The following MYOF variants were observed in gnomAD, a reference collection of about 807,000 sequenced individuals.
MYOF encodes the protein fer-1-like 3, myoferlin.
A neutral mutation model predicts 284.2 loss-of-function variants in MYOF; 244 were observed. That is an observed-to-expected ratio of 0.86 (90% CI 0.77 to 0.95). The LOEUF is 0.95. Among genes scored for constraint, MYOF ranks in the 40% least tolerant of loss-of-function variants. The pLI is 0.00. For synonymous variants in MYOF, 904 were observed against 919.7 expected (o/e 0.98, Z 0.31); for missense variants, 2,496 against 2,560.6 (o/e 0.97, Z 0.54).
intron 1 of MYOF, among the ~76,000 whole-genome samples, chr10:93,463,394 A>AATTTTTTTTTTTTTTTTTTTTTTTTTTTT (rs34592074): frequency 1.3e-5 from 1 of 78,936 alleles, no homozygotes. Flanking sequence ...GTCTCTACAA[A>AATTTTTTTTTTTTTTTTTTTTTTTTTTTT]TTTTTTTTTT....
rs764771189 is a variant in MYOF at position 93,452,056 on chromosome 10, T to C, written c.230A>G (p.Gln77Arg). 6.2e-7 allele frequency: 1 copy of C among 1,608,426 alleles called. No homozygotes were observed. The highest frequency in any genetic ancestry group is 1.7e-5 in the Admixed American group (1 of 59,178). The change falls in exon 3 of 54, where the codon CAA (glutamine) becomes CGA (arginine). Residue 77 changes from glutamine to arginine, a missense_variant. By Grantham distance (43) the Gln-to-Arg change is conservative (BLOSUM62 1). Around this residue, in one of 3 missense-constraint regions of MYOF, gnomAD observed 2,436 missense variants for 2,480.7 expected, o/e 0.98. Transcript: ENST00000359263. ...ACAGGTGAAAACAACTTACTTATTT[T>C]GTCCAATTGTCTCAAAATCTTTCAC... ...IIVKDFETIGQNKLIGTATVA... is the reference protein window; with the variant it reads ...IIVKDFETIGRNKLIGTATVA...
At chr10:93,436,572 C>T (rs1468456074) in intron 3 of MYOF, among the ~76,000 whole-genome samples, 4 of 152,136 alleles carry the variant, frequency 2.6e-5, no homozygotes, top group Non-Finnish European at 5.9e-5. Flanking sequence ...AAGCTGACTT[C>T]AGGAAAAATT....
intron 1 of MYOF, among the ~76,000 whole-genome samples, chr10:93,481,686 G>C (rs966762278): frequency 6.6e-6 from 1 of 152,136 alleles, no homozygotes; most frequent in Non-Finnish European, 1.5e-5. Context: ...TCAAAGCAGC[G>C]TCAGGCTGGT....
chr10:93,314,566 G>A (rs1330555375), intron 50 of MYOF, among the ~76,000 whole-genome samples: 7 of 152,154 alleles, frequency 4.6e-5, no homozygotes, highest in Non-Finnish European at 1.0e-4. Context: ...GGAGGTTGTG[G>A]CATTTTCTCT....
In MYOF at chr10:93,319,886, T is replaced by C. The variant is rs1554836382; in HGVS notation, c.5584A>G (p.Ile1862Val). 2 of 1,614,090 alleles carry C rather than the reference T, an allele frequency of 1.2e-6. No homozygotes were observed. Among genetic ancestry groups the C allele is most frequent in the Non-Finnish European group, 8.5e-7 (1 of 1,180,016 alleles). ...FDYLPAEQLC[I>V]VAKKEHFWSI... is the part of the protein sequence containing the mutation. ...TCAGAGCTCACTTTTTTCGCAACGA[T>C]ACAGAGTTGTTCGGCTGGAAGGTAG... is the stretch of plus-strand genomic sequence containing the variant. Residue 1862 changes from isoleucine to valine, a missense_variant, in exon 49 of 54, where the codon ATC becomes GTC. Ile to Val is a conservative substitution (Grantham distance 29). Around this residue, in one of 3 missense-constraint regions of MYOF, gnomAD observed 2,436 missense variants for 2,480.7 expected, o/e 0.98. Transcript: ENST00000359263.
At position 93,314,815 on chromosome 10, in the gene MYOF, G is replaced by A. The variant is rs187215474; in HGVS notation, c.5699-1605C>T. ...GTAATCCCAGCAATATTGGGAGGCC[G>A]AGGTGGGCAGATTACTTGAGCTCAG... On this transcript the variant is annotated intron_variant, in intron 50 of 53. Transcript: ENST00000359263. Among the ~76,000 whole-genome samples the A allele has an allele frequency of 1.3e-4, 20 of 152,262 alleles. No individual in the cohort carries two copies. The South Asian group carries it at 1.9e-3, about 14-fold the overall frequency.
At chr10:93,379,530 C>G (rs1846013606) in intron 21 of MYOF, among the ~76,000 whole-genome samples, 2 of 152,130 alleles carry the variant, frequency 1.3e-5, no homozygotes, top group Non-Finnish European at 2.9e-5. Flanking sequence ...TCCTTCCCTT[C>G]AAGAGAAAGG....
intron 48 of MYOF, among the ~76,000 whole-genome samples, chr10:93,322,429 C>G (rs1842880644): frequency 6.6e-6 from 1 of 152,138 alleles, no homozygotes; most frequent in African/African-American, 2.4e-5. Context: ...CTTGCCCAGA[C>G]AGTAGGGAAA....
At chr10:93,465,513 C>CT (rs1461709300) in intron 1 of MYOF, among the ~76,000 whole-genome samples, 4 of 127,162 alleles carry the variant, frequency 3.1e-5, no homozygotes, top group Non-Finnish European at 6.7e-5. Context: ...TTTTTCTTTT[C>CT]TTTTTTCTTT....
chr10:93,409,057 C>T (rs1847771863), intron 6 of MYOF, 142 bp from the exon 7 acceptor site: 2 of 1,293,888 alleles, frequency 1.5e-6, no homozygotes, highest in African/African-American at 3.0e-5. Context: ...CAGGTGCTAC[C>T]AATTGGGTGG....
chr10:93,333,919 A>C lies in MYOF; in HGVS notation c.4564-6T>G. On this transcript the variant is annotated splice_region_variant and splice_polypyrimidine_tract_variant and intron_variant, in intron 41 of 53. Transcript: ENST00000359263. ...GGGTAGATCCGAAAGGAGCCCTAAA[A>C]GAGAGAGACAGAAGGACTCACAGGG... 1 of 1,613,174 alleles carries C rather than the reference A, an allele frequency of 6.2e-7. No individual in the cohort carries two copies. Among genetic ancestry groups the C allele is most frequent in the Non-Finnish European group, 8.5e-7 (1 of 1,179,648 alleles).
chr10:93,449,568 G>A (rs150117176), intron 3 of MYOF, among the ~76,000 whole-genome samples: 76 of 152,260 alleles, frequency 5.0e-4, no homozygotes, highest in Non-Finnish European at 8.5e-4. Context: ...ATAATAGTTC[G>A]CAGCTGAGAT....
intron 48 of MYOF, 24 bp downstream of exon 48, chr10:93,323,054 A>G (rs777301684): frequency 6.3e-7 from 1 of 1,598,384 alleles, no homozygotes; most frequent in Non-Finnish European, 8.6e-7. Context: ...GAGCTTGGCA[A>G]AGTCTCTCAC....
intron 3 of MYOF, among the ~76,000 whole-genome samples, chr10:93,434,469 C>T (rs972264197): frequency 1.3e-4 from 19 of 150,528 alleles, no homozygotes; most frequent in Admixed American, 1.3e-4. Flanking sequence ...CTGTAGTTGG[C>T]AATGGAAAAG....
intron 40 of MYOF, 72 bp from the exon 41 acceptor site, chr10:93,336,118 G>A: frequency 2.6e-6 from 4 of 1,536,518 alleles, no homozygotes; most frequent in Non-Finnish European, 3.5e-6. Flanking sequence ...AGGGCTGACA[G>A]TATCAAGTGG....
chr10:93,424,929 A>ATTTTTTTTTT lies in MYOF; in HGVS notation c.433+1132_433+1141dup. On this transcript the variant is annotated intron_variant, in intron 5 of 53. Coordinates refer to ENST00000359263, the MANE Select transcript of MYOF (RefSeq NM_013451.4). ...ACTTCCTCCCAGGAGGGAGAATTCCATTTTTTTTTTTTTTTTTTTTTTTTT... is the reference window on the plus strand; with the variant it reads ...ACTTCCTCCCAGGAGGGAGAATTCCATTTTTTTTTTTTTTTTTTTTTTTTTTTTTTTTTTT... Among the ~76,000 whole-genome samples the ATTTTTTTTTT allele has an allele frequency of 2.6e-5, 2 of 77,762 alleles. 1 individual carries two copies. Among genetic ancestry groups the ATTTTTTTTTT allele is most frequent in the Non-Finnish European group, 4.6e-5 (2 of 43,934 alleles). The allele number at this position is 77,762 out of a possible 152,430, so 51.0% of individuals were successfully genotyped here.
rs770323372 is a variant in MYOF at position 93,349,967 on chromosome 10, A to G, written c.3924T>C (p.Ile1308=). The G allele has an allele frequency of 6.2e-7, 1 of 1,613,522 alleles. No homozygotes were observed. Among genetic ancestry groups the G allele is most frequent in the Non-Finnish European group, 8.5e-7 (1 of 1,179,798 alleles). The part of the protein sequence containing the change: ...RPVVQLTAIE[I]LAWGLRNMKN... ...TCATATTTCTTAAGCCCCAAGCTAGAATCTATGAAAACGATTTAAAGAGAG... is the reference window on the plus strand; with the variant it reads ...TCATATTTCTTAAGCCCCAAGCTAGGATCTATGAAAACGATTTAAAGAGAG... The change falls in exon 36 of 54, where the codon ATT becomes ATC. Residue 1308 remains isoleucine (I), a splice_region_variant and synonymous_variant. Transcript: ENST00000359263.
At chr10:93,406,570 C>CG (rs60703429) in intron 7 of MYOF, among the ~76,000 whole-genome samples, 81,696 of 150,144 alleles carry the variant, frequency 0.54, 26,662 homozygotes, top group South Asian at 0.71. Flanking sequence ...TCCTCCCCAC[C>CG]CATCCAGTCT....
chr10:93,460,260 G>A (rs1349700608), intron 1 of MYOF, among the ~76,000 whole-genome samples: 2 of 152,168 alleles, frequency 1.3e-5, no homozygotes. Context: ...CAGAGAACAC[G>A]GAAGACACGC....
Sources: allele counts gnomAD v4.1 joint callset (sites outside exome capture counted in the v4.1 genomes callset), GRCh38; gene constraint gnomAD v4.1.1; regional missense constraint gnomAD v4.1.1; transcripts MANE v1.5; gene names NCBI Gene and HGNC (gene_info 2026-07-23, HGNC 2026-07-21).